Variants in CCDC178 observed in about 807,000 individuals in gnomAD.
The protein encoded by CCDC178 is coiled-coil domain-containing protein 178.
A neutral mutation model predicts 117.4 loss-of-function variants in CCDC178; 126 were observed. The observed-to-expected ratio is 1.07, with a 90% CI of 0.93 to 1.24. CCDC178 has a LOEUF of 1.24. Among genes scored for constraint, CCDC178 ranks in the 50% most tolerant of loss-of-function variants. The pLI, the probability that CCDC178 is intolerant of heterozygous loss-of-function variation, is 0.00. For missense variants in CCDC178, 1,030 were observed against 986.9 expected (o/e 1.04, Z -0.59); for synonymous variants, 283 against 313.4 (o/e 0.90, Z 1.02).
chr18:33,259,405 T>C (rs1405799813), intron 14 of CCDC178, among the ~76,000 whole-genome samples: 1 of 152,168 alleles, frequency 6.6e-6, no homozygotes, highest in African/African-American at 2.4e-5. Flanking sequence ...GGGTAATATA[T>C]GAAGAAATGA....
chr18:33,033,723 T>C (rs1473279283), intron 21 of CCDC178, among the ~76,000 whole-genome samples: 1 of 152,050 alleles, frequency 6.6e-6, no homozygotes, highest in East Asian at 1.9e-4. Flanking sequence ...CTTTTCCCTG[T>C]TTGTATTTCT....
At chr18:33,369,945 A>G (rs983022567) in intron 6 of CCDC178, 105 bp downstream of exon 6, 5 of 932,800 alleles carry the variant, frequency 5.4e-6, no homozygotes, top group African/African-American at 1.7e-5. Flanking sequence ...AAGCATTCCA[A>G]TTATCATTTA....
chr18:33,225,781 GT>G (rs1390479975), intron 16 of CCDC178, among the ~76,000 whole-genome samples: 1 of 152,190 alleles, frequency 6.6e-6, no homozygotes, highest in Non-Finnish European at 1.5e-5. Flanking sequence ...CTGCTTCTAT[GT>G]TTGAAAATGC....
At chr18:33,338,933 G>A (rs1255350080) in intron 9 of CCDC178, among the ~76,000 whole-genome samples, 1 of 151,936 alleles carries the variant, frequency 6.6e-6, no homozygotes, top group African/African-American at 2.4e-5. Flanking sequence ...AATTAAATTA[G>A]CCTTAACAGA....
chr18:33,390,729 A>G (rs1230727716), intron 4 of CCDC178, among the ~76,000 whole-genome samples: 1 of 151,990 alleles, frequency 6.6e-6, no homozygotes, highest in Non-Finnish European at 1.5e-5. Flanking sequence ...GAATGTCATG[A>G]TAGTTACATT....
chr18:33,224,943 G>T lies in CCDC178; in HGVS notation c.1657-7C>A, dbSNP rs771562844. ...AAATGGAATATAGTTTTTTCTGCCA[G>T]CAAAGATTTTAAATAAATCATTCAG... On this transcript the variant is annotated splice_polypyrimidine_tract_variant and splice_region_variant and intron_variant, in intron 16 of 22. Coordinates refer to ENST00000383096, the MANE Select transcript of CCDC178 (RefSeq NM_001105528.4). 9 of 1,462,126 alleles carry T rather than the reference G, an allele frequency of 6.2e-6. No individual in the cohort carries two copies. In the East Asian group the frequency reaches 2.1e-4, roughly 33 times the overall value. 90.6% of individuals were successfully genotyped at this position (1,462,126 alleles called of 1,614,324 possible).
At chr18:33,044,443 A>G (rs975476217) in intron 21 of CCDC178, among the ~76,000 whole-genome samples, 2 of 152,130 alleles carry the variant, frequency 1.3e-5, no homozygotes, top group Admixed American at 1.3e-4. Context: ...ATCATCAGAG[A>G]AATGCAAATT....
intron 14 of CCDC178, among the ~76,000 whole-genome samples, chr18:33,265,821 A>T (rs2059806167): frequency 6.6e-6 from 1 of 152,070 alleles, no homozygotes; most frequent in Non-Finnish European, 1.5e-5. Flanking sequence ...GAGTGATTGC[A>T]GGTAGACCAG....
intron 11 of CCDC178, among the ~76,000 whole-genome samples, chr18:33,318,449 G>C (rs1043684454): frequency 6.6e-6 from 1 of 152,150 alleles, no homozygotes; most frequent in Non-Finnish European, 1.5e-5. Flanking sequence ...AGGACAAAAG[G>C]AAATGATTTA....
chr18:33,440,328 G>T (rs1218725496), intron 1 of CCDC178: 1 of 142,858 alleles, frequency 7.0e-6, no homozygotes, highest in Non-Finnish European at 1.5e-5. Context: ...GGGGACTGGG[G>T]GACTGGGGGA....
At chr18:33,299,323 A>T (rs1324553547) in intron 11 of CCDC178, among the ~76,000 whole-genome samples, 1 of 152,150 alleles carries the variant, frequency 6.6e-6, no homozygotes, top group Non-Finnish European at 1.5e-5. Flanking sequence ...CTGATTTTTG[A>T]CAAAGACAGA....
At chr18:33,315,770 G>A (rs1380001374) in intron 11 of CCDC178, among the ~76,000 whole-genome samples, 2 of 152,174 alleles carry the variant, frequency 1.3e-5, no homozygotes, top group African/African-American at 4.8e-5. Context: ...AGATGTTTAT[G>A]TTAAGGGAAC....
chr18:32,964,324 G>A lies in CCDC178; in HGVS notation c.2523+10223C>T, dbSNP rs559028548. On this transcript the variant is annotated intron_variant, in intron 22 of 22. Transcript: ENST00000383096. ...GTTTATGCATATGTTAAAGGCTGAG[G>A]CAGGAATCATTAAATTGAAGTTGTC... Among the ~76,000 whole-genome samples the A allele has an allele frequency of 3.9e-5, 6 of 151,986 alleles. No individual in the cohort carries two copies. In the East Asian group the frequency reaches 1.2e-3, roughly 29 times the overall value.
chr18:33,439,781 G>A (rs931518213), intron 2 of CCDC178, among the ~76,000 whole-genome samples, 181 bp downstream of exon 2: 1 of 152,198 alleles, frequency 6.6e-6, no homozygotes, highest in African/African-American at 2.4e-5. Context: ...TGATAAATAG[G>A]AGTGATAAGC....
chr18:33,303,909 T>C (rs994524504), intron 11 of CCDC178, among the ~76,000 whole-genome samples: 27 of 152,074 alleles, frequency 1.8e-4, no homozygotes, highest in Admixed American at 1.4e-3. Context: ...GGAGGAAAGC[T>C]TGAAGCATCC....
chr18:33,244,741 T>G (rs2059526788), intron 15 of CCDC178, among the ~76,000 whole-genome samples: 1 of 151,964 alleles, frequency 6.6e-6, no homozygotes, highest in African/African-American at 2.4e-5. Flanking sequence ...GGCAGAGAGC[T>G]GCTAGCCAAT....
At chr18:33,253,055 T>C (rs773570313) in intron 14 of CCDC178, among the ~76,000 whole-genome samples, 25 of 151,826 alleles carry the variant, frequency 1.6e-4, no homozygotes, top group Non-Finnish European at 2.9e-4. Context: ...TCAAGTAAAA[T>C]TGTTTGCTCA....
intron 21 of CCDC178, among the ~76,000 whole-genome samples, chr18:33,020,854 G>GC (rs1259136089): frequency 6.6e-6 from 1 of 151,980 alleles, no homozygotes; most frequent in East Asian, 1.9e-4. Flanking sequence ...TATTTATGAA[G>GC]CCCTAGTGTG....
chr18:33,081,326 A>G (rs978559657), intron 21 of CCDC178, among the ~76,000 whole-genome samples: 31 of 152,334 alleles, frequency 2.0e-4, no homozygotes, highest in African/African-American at 5.5e-4. Context: ...TTAGTGACAC[A>G]TTATTGCAGC....
Sources: gnomAD v4.1 joint callset for allele counts (sites outside exome capture counted in the v4.1 genomes callset) on GRCh38, gnomAD v4.1.1 for gene constraint, MANE v1.5 for transcripts, NCBI Gene and HGNC (gene_info 2026-07-23, HGNC 2026-07-21) for gene names.